The following FARP2 variants were observed in gnomAD, a reference collection of about 807,000 sequenced individuals.
FARP2 encodes the protein FERM, ARHGEF and pleckstrin domain-containing protein 2.
FARP2 carries 111 observed loss-of-function variants against 130.5 expected under a neutral mutation model. The observed-to-expected ratio is 0.85, with a 90% confidence interval of 0.73 to 1.00. The LOEUF is 1.00. Ranked by LOEUF, FARP2 falls within the 50% of genes least tolerant of loss-of-function variation. The pLI is 0.00. For synonymous variants in FARP2, 504 were observed against 516.9 expected (o/e 0.98, Z 0.34); for missense variants, 1,385 against 1,346.3 (o/e 1.03, Z -0.45).
chr2:241,376,237 T>G (rs2061533789), intron 2 of FARP2, among the ~76,000 whole-genome samples: 2 of 152,182 alleles, frequency 1.3e-5, no homozygotes, highest in Admixed American at 6.5e-5. Flanking sequence ...AGTCCAGAAG[T>G]GGGCACTGCA....
Position 241,491,530 on chromosome 2 carries a change from G to T in FARP2, c.2638G>T (p.Val880Leu). 1 of 1,613,572 alleles carries T rather than the reference G, an allele frequency of 6.2e-7. No homozygotes were observed. The highest frequency in any genetic ancestry group is 8.5e-7 in the Non-Finnish European group (1 of 1,179,864). ...CTRPPRSPNE[V>L]SLEQESEDDA... ...CTTCTCCCCAGGATCCCCCAACGAGGTATCTCTGGAGCAGGAGTCAGAAGA... is the reference window on the plus strand; with the variant it reads ...CTTCTCCCCAGGATCCCCCAACGAGTTATCTCTGGAGCAGGAGTCAGAAGA... Residue 880 changes from valine to leucine, a missense_variant, in exon 24 of 27, where the codon GTA (valine) becomes TTA (leucine). Transcript: ENST00000264042.
intron 2 of FARP2, among the ~76,000 whole-genome samples, chr2:241,379,936 C>T (rs796794517): frequency 6.6e-5 from 10 of 152,258 alleles, no homozygotes; most frequent in African/African-American, 2.2e-4. Context: ...GGGTGGTGCA[C>T]AGCAGAGATG....
intron 18 of FARP2, among the ~76,000 whole-genome samples, chr2:241,473,838 A>T (rs1464802145): frequency 6.6e-6 from 1 of 152,218 alleles, no homozygotes; most frequent in South Asian, 2.1e-4. Flanking sequence ...GCCAAGACCT[A>T]TGCTGGCTTC....
intron 2 of FARP2, among the ~76,000 whole-genome samples, chr2:241,392,868 G>A (rs966080857): frequency 7.3e-5 from 11 of 151,374 alleles, no homozygotes; most frequent in African/African-American, 1.5e-4. Flanking sequence ...ACTTGAACCC[G>A]GGAGGCAGAA....
intron 1 of FARP2, among the ~76,000 whole-genome samples, chr2:241,367,840 T>C (rs2061348025): frequency 6.6e-6 from 1 of 151,938 alleles, no homozygotes; most frequent in African/African-American, 2.4e-5. Context: ...AAGTCCTAGC[T>C]CTGTCACTTC....
At chr2:241,464,105 C>G in intron 17 of FARP2, 125 bp downstream of exon 17, 1 of 737,298 alleles carries the variant, frequency 1.4e-6, no homozygotes, top group East Asian at 2.9e-5. Context: ...CAGGATCCCC[C>G]TCAGAGTAGG....
intron 2 of FARP2, among the ~76,000 whole-genome samples, chr2:241,402,836 T>TTTTATATATATATA (rs1463491106): frequency 5.9e-5 from 1 of 16,840 alleles, no homozygotes; most frequent in East Asian, 1.5e-3. Flanking sequence ...CCCAGCTAAT[T>TTTTATATATATATA]TATATATATA....
chr2:241,442,515 A>G (rs1235208762), intron 13 of FARP2: 1 of 455,894 alleles, frequency 2.2e-6, no homozygotes, highest in Non-Finnish European at 4.4e-6. Context: ...GAGAGCAAAT[A>G]GATAAAAACC....
chr2:241,357,583 A>C (rs1575439082), intron 1 of FARP2, among the ~76,000 whole-genome samples: 1 of 152,158 alleles, frequency 6.6e-6, no homozygotes, highest in Non-Finnish European at 1.5e-5. Context: ...GCCCCGTTTT[A>C]AAGTAGAGGA....
chr2:241,479,716 C>T (rs1047479649), intron 19 of FARP2, among the ~76,000 whole-genome samples: 3 of 150,768 alleles, frequency 2.0e-5, no homozygotes, highest in Non-Finnish European at 3.0e-5. Context: ...CTGTTCAACC[C>T]GTTAGCGTGA....
At chr2:241,434,359 G>A (rs770832872) in intron 10 of FARP2, 38 bp downstream of exon 10, 19 of 1,480,798 alleles carry the variant, frequency 1.3e-5, no homozygotes, top group Admixed American at 2.4e-5. Flanking sequence ...GCCCCTCACT[G>A]GTTTGTAAAG....
chr2:241,410,256 C>CG (rs2062479611), intron 5 of FARP2, among the ~76,000 whole-genome samples: 2 of 152,116 alleles, frequency 1.3e-5, no homozygotes, highest in Non-Finnish European at 2.9e-5. Flanking sequence ...AATTTCACAG[C>CG]CATGCTTTAA....
chr2:241,432,587 A>C (rs998254626), intron 9 of FARP2, among the ~76,000 whole-genome samples: 1 of 152,202 alleles, frequency 6.6e-6, no homozygotes, highest in Non-Finnish European at 1.5e-5. Context: ...AATAGCTCTA[A>C]TTGAAGAAGC....
rs531985112 is a variant in FARP2 at position 241,469,126 on chromosome 2, G to T, written c.2131+749G>T. Among the ~76,000 whole-genome samples the T allele has an allele frequency of 2.0e-5, 3 of 150,816 alleles. No homozygotes were observed. The South Asian group carries it at 6.3e-4, about 32-fold the overall frequency. On this transcript the variant is annotated intron_variant, in intron 18 of 26. Transcript: ENST00000264042. The stretch of plus-strand genomic sequence containing the variant: ...TTTGAGACGGAGTTTCATTCTTGTC[G>T]CCCAGGCTGGAGTTCAGTGGTGTGA...
Position 241,463,298 on chromosome 2 carries a change from G to C in FARP2, c.1678-37G>C, listed in dbSNP as rs749229106. On this transcript the variant is annotated intron_variant, in intron 15 of 26. Transcript: ENST00000264042. ...GGCACAGTTTCTCAGTCCCCAACAA[G>C]AGCCACACCTCCCATCACACCACAC... 2.5e-6 allele frequency: 4 copies of C among 1,602,630 alleles called. No individual in the cohort carries two copies. The African/African-American group carries it at 5.4e-5, about 21-fold the overall frequency.
In FARP2 at chr2:241,482,667, G is replaced by A. The variant is rs1023241729; in HGVS notation, c.2263-798G>A. On this transcript the variant is annotated intron_variant, in intron 19 of 26. Transcript: ENST00000264042. The surrounding 1 kb of genome is among the most constrained non-coding windows in gnomAD (Gnocchi z 4.6). ...TCTGTGAGGATTATCTGTGTAGTGT[G>A]CTCCTCCTTCTGCCTTCACGCAGTA... Among the ~76,000 whole-genome samples the A allele has an allele frequency of 6.6e-6, 1 of 152,152 alleles. No homozygotes were observed. The highest frequency in any genetic ancestry group is 2.4e-5 in the African/African-American group (1 of 41,422).
At chr2:241,492,852 G>A in intron 24 of FARP2, 77 bp from the exon 25 acceptor site, 1 of 819,716 alleles carries the variant, frequency 1.2e-6, no homozygotes, top group Non-Finnish European at 2.1e-6. Flanking sequence ...CAGAGGCTTA[G>A]TCTTGGGGAG....
chr2:241,473,136 CTT>C (rs1559803876), intron 18 of FARP2, among the ~76,000 whole-genome samples: 1 of 150,298 alleles, frequency 6.7e-6, no homozygotes, highest in Non-Finnish European at 1.5e-5. Flanking sequence ...TATGAGGACT[CTT>C]TTTCTGAGGG....
rs569245859 is a variant in FARP2, at chr2:241,450,820, C to T, written c.1412-5927C>T. Among the ~76,000 whole-genome samples, 27 of 152,246 alleles carry T rather than the reference C, an allele frequency of 1.8e-4. No individual in the cohort carries two copies. The East Asian group carries it at 4.6e-3, about 26-fold the overall frequency. ...CAAAACAATTAGCCAGGCACAGTGG[C>T]ACATGCCTGTAATCCCCGCTACTTG... On this transcript the variant is annotated intron_variant, in intron 13 of 26. Transcript: ENST00000264042.
Sources: allele counts gnomAD v4.1 joint callset (sites outside exome capture counted in the v4.1 genomes callset), GRCh38; gene constraint gnomAD v4.1.1; non-coding constraint Gnocchi (gnomAD v3.1); transcripts MANE v1.5; gene names NCBI Gene and HGNC (gene_info 2026-07-23, HGNC 2026-07-21).